The following SORD variants were observed in gnomAD, a reference collection of about 807,000 sequenced individuals.
SORD encodes the protein sorbitol dehydrogenase.
SORD carries 18 observed loss-of-function variants against 35.6 expected under a neutral mutation model. The observed-to-expected ratio is 0.51, with a 90% CI of 0.35 to 0.75. The LOEUF (loss-of-function observed/expected upper bound fraction) is 0.75, where lower values mean the gene tolerates loss of function less well. Ranked by LOEUF, SORD falls within the 30% of genes least tolerant of loss-of-function variation. The pLI is 0.01. For missense variants in SORD, 250 were observed against 390.2 expected (o/e 0.64, Z 3.03); for synonymous variants, 106 against 152.9 (o/e 0.69, Z 2.26).
At chr15:45,054,413 T>C (rs1944566170) in intron 3 of SORD, among the ~76,000 whole-genome samples, 1 of 152,244 alleles carries the variant, frequency 6.6e-6, no homozygotes, top group Admixed American at 6.5e-5. Flanking sequence ...GAGCATCTTT[T>C]CATGTGTTTT....
Position 45,035,814 on chromosome 15 carries a change from G to T in SORD, c.67-4594G>T, listed in dbSNP as rs61185620. 1.6e-4 allele frequency among the ~76,000 whole-genome samples: 24 copies of T among 150,556 alleles called. No homozygotes were observed. In the East Asian group the frequency reaches 3.9e-3, roughly 25 times the overall value. ...AGGAACGAACAACTCCAGACGCGCC[G>T]CCTTAAGAGCTGTAACACTCACCGC... On this transcript the variant is annotated intron_variant, in intron 1 of 8. Transcript: ENST00000267814.
Position 45,073,444 on chromosome 15 carries a change from A to G in SORD, c.988A>G (p.Lys330Glu). 2 of 1,573,072 alleles carry G rather than the reference A, an allele frequency of 1.3e-6. No homozygotes were observed. The highest frequency in any genetic ancestry group is 1.7e-6 in the Non-Finnish European group (2 of 1,166,094). ...PLVTHRFPLE[K>E]ALEAFETFKK... ...CGTCACCCATAGGTTTCCTCTGGAG[A>G]AAGCTCTGGAGGCCTTTGAAACATT... Residue 330 changes from lysine (K) to glutamate (E), a missense_variant, in exon 9 of 9, where the codon AAA becomes GAA. By Grantham distance (56) the Lys-to-Glu change is moderately conservative. Transcript: ENST00000267814.
intron 1 of SORD, among the ~76,000 whole-genome samples, chr15:45,029,373 T>TACGGAAGGG (rs1333026201): frequency 0.21 from 30,949 of 150,432 alleles, no homozygotes; most frequent in African/African-American, 0.44. Flanking sequence ...TCGCCAGACC[T>TACGGAAGGG]GTGGAGTACT....
chr15:45,046,369 AG>A (rs111567627), intron 3 of SORD, among the ~76,000 whole-genome samples: 60 of 152,232 alleles, frequency 3.9e-4, no homozygotes, highest in African/African-American at 1.4e-3. Flanking sequence ...CAGCCTCCTG[AG>A]TAGCTGGGAT....
chr15:45,040,458 C>T lies in SORD; in HGVS notation c.100+17C>T. 5.1e-6 allele frequency: 8 copies of T among 1,564,678 alleles called. No individual in the cohort carries two copies. Among genetic ancestry groups the T allele is most frequent in the Non-Finnish European group, 7.0e-6 (8 of 1,135,474 alleles). On this transcript the variant is annotated intron_variant, in intron 2 of 8. Transcript: ENST00000267814. Reference sequence around the variant, plus strand: ...GCCCAAATGGTAAGTTCTTGGGAAACATGACTTATATTTTATTATTTCCTG... The same window carrying T: ...GCCCAAATGGTAAGTTCTTGGGAAATATGACTTATATTTTATTATTTCCTG...
At chr15:45,037,026 A>G (rs1303114311) in intron 1 of SORD, among the ~76,000 whole-genome samples, 1 of 152,234 alleles carries the variant, frequency 6.6e-6, no homozygotes, top group East Asian at 1.9e-4. Context: ...GCTTAGGGCA[A>G]TATTTACAAA....
chr15:45,068,507 T>C (rs894383884), intron 6 of SORD, among the ~76,000 whole-genome samples: 4 of 150,670 alleles, frequency 2.7e-5, no homozygotes, highest in African/African-American at 7.4e-5. Flanking sequence ...TATGAGGGTG[T>C]AGAGCAGGGG....
intron 1 of SORD, among the ~76,000 whole-genome samples, chr15:45,031,022 C>T (rs1256345724): frequency 6.6e-6 from 1 of 152,244 alleles, no homozygotes; most frequent in Non-Finnish European, 1.5e-5. Context: ...TCAACACACA[C>T]AGGCAGTGAT....
Position 45,023,255 on chromosome 15 carries a change from A to C in SORD, c.-29A>C. On this transcript the variant is annotated 5_prime_UTR_variant, in exon 1 of 9. Transcript: ENST00000267814. ...AGCGACCAAACGTCCCGCGCCTTCC[A>C]GGCCGCACTCCAGAGCCAAAAGAGC... The C allele has an allele frequency of 6.5e-7, 1 of 1,534,984 alleles. No individual in the cohort carries two copies. Among genetic ancestry groups the C allele is most frequent in the South Asian group, 1.3e-5 (1 of 79,830 alleles).
chr15:45,027,446 T>C (rs537681890), intron 1 of SORD, among the ~76,000 whole-genome samples: 56 of 152,360 alleles, frequency 3.7e-4, no homozygotes, highest in African/African-American at 1.2e-3. Flanking sequence ...GTGGAACCAA[T>C]TGTGCGTGTG....
intron 1 of SORD, among the ~76,000 whole-genome samples, chr15:45,023,567 C>A (rs1892623751): frequency 6.6e-6 from 1 of 152,238 alleles, no homozygotes; most frequent in African/African-American, 2.4e-5. Flanking sequence ...CGGAACCTAG[C>A]CCCGTGGCTG....
At chr15:45,037,605 G>T (rs1020915255) in intron 1 of SORD, among the ~76,000 whole-genome samples, 3 of 152,082 alleles carry the variant, frequency 2.0e-5, no homozygotes, top group African/African-American at 7.3e-5. Flanking sequence ...AACATTTCAC[G>T]CAGTATAATG....
intron 3 of SORD, among the ~76,000 whole-genome samples, chr15:45,050,200 G>T (rs537042672): frequency 2.0e-5 from 3 of 152,258 alleles, no homozygotes; most frequent in African/African-American, 7.2e-5. Flanking sequence ...TCCTGCCTCA[G>T]CCTCCTGAGT....
rs140932952 is a variant in SORD, at chr15:45,039,370, C to T, written c.67-1038C>T. On this transcript the variant is annotated intron_variant, in intron 1 of 8. Coordinates refer to ENST00000267814, the MANE Select transcript of SORD (RefSeq NM_003104.6). ...CTCAAACTCCTGACCTCAAGTGATCCGCCCGCATCAGCCTCCCAAAGTGCT... is the reference window on the plus strand; with the variant it reads ...CTCAAACTCCTGACCTCAAGTGATCTGCCCGCATCAGCCTCCCAAAGTGCT... Among the ~76,000 whole-genome samples, 351 of 152,282 alleles carry T rather than the reference C, an allele frequency of 2.3e-3. 10 individuals are homozygous for T. The East Asian group carries it at 0.053, about 23-fold the overall frequency.
chr15:45,036,382 T>TAGTC (rs762036691), intron 1 of SORD: 16 of 455,766 alleles, frequency 3.5e-5, no homozygotes, highest in Admixed American at 2.4e-5. Flanking sequence ...AGTCCTCTTG[T>TAGTC]AGTCACTCAT....
intron 3 of SORD, among the ~76,000 whole-genome samples, chr15:45,051,688 C>T (rs1188936788): frequency 6.6e-6 from 1 of 152,184 alleles, no homozygotes; most frequent in Admixed American, 6.5e-5. Context: ...AGCCAAATTT[C>T]ACCCTTGCGT....
intron 1 of SORD, among the ~76,000 whole-genome samples, chr15:45,035,287 A>C (rs1449013063): frequency 1.3e-5 from 2 of 152,190 alleles, no homozygotes; most frequent in African/African-American, 2.4e-5. Context: ...GGGTGAAGCC[A>C]GCTGGGCTCC....
chr15:45,030,384 A>ACT (rs3066988), intron 1 of SORD, among the ~76,000 whole-genome samples: 29,747 of 148,338 alleles, frequency 0.2, no homozygotes, highest in African/African-American at 0.44. Context: ...ACACGTAGAT[A>ACT]CAATATTAGC....
At chr15:45,052,553 C>CT (rs773197348) in intron 3 of SORD, among the ~76,000 whole-genome samples, 3 of 152,176 alleles carry the variant, frequency 2.0e-5, no homozygotes, top group Non-Finnish European at 4.4e-5. Context: ...GGTAAAAACT[C>CT]TGACTCTAAA....
Sources: gnomAD v4.1 joint callset for allele counts (sites outside exome capture counted in the v4.1 genomes callset) on GRCh38, gnomAD v4.1.1 for gene constraint, MANE v1.5 for transcripts, NCBI Gene and HGNC (gene_info 2026-07-23, HGNC 2026-07-21) for gene names.